Variants in PCDHGB1 observed in about 807,000 individuals in gnomAD.
PCDHGB1 encodes the protein protocadherin gamma subfamily B, 1.
Under a neutral mutation model 56.6 loss-of-function variants are expected in PCDHGB1, and 34 were observed. The observed-to-expected ratio is 0.60, with a 90% CI of 0.46 to 0.80. PCDHGB1 has a LOEUF of 0.80. Ranked by LOEUF, PCDHGB1 falls within the 30% of genes least tolerant of loss-of-function variation. The probability of loss-of-function intolerance (pLI) is 0.00; values close to 1 mark genes in which losing one functional copy is unlikely to be tolerated. For missense variants in PCDHGB1, 1,278 were observed against 1,204.6 expected (o/e 1.06, Z -0.90); for synonymous variants, 561 against 505.9 (o/e 1.11, Z -1.46).
chr5:141,414,427 C>G lies in PCDHGB1; in HGVS notation c.2409+61758C>G, dbSNP rs766147938. The G allele has an allele frequency of 6.2e-6, 10 of 1,613,684 alleles. No individual in the cohort carries two copies. The highest frequency in any genetic ancestry group is 1.6e-4 in the Middle Eastern group (1 of 6,084). On this transcript the variant is annotated intron_variant, in intron 1 of 3. Coordinates refer to ENST00000523390, the MANE Select transcript of PCDHGB1 (RefSeq NM_018922.3). ...GATACACAGAGCCCTTGACAGGGAA[C>G]AGGTATCCTCTTACAATATCACAGT... is the stretch of plus-strand genomic sequence containing the variant.
chr5:141,379,834 G>GA (rs199662644), intron 1 of PCDHGB1, among the ~76,000 whole-genome samples: 3,037 of 141,342 alleles, frequency 0.021, 48 homozygotes, highest in South Asian at 0.041. Flanking sequence ...GAAGCATCAG[G>GA]AAAAAAAACT....
intron 1 of PCDHGB1, among the ~76,000 whole-genome samples, chr5:141,488,553 T>C (rs2099676887): frequency 6.6e-6 from 1 of 152,166 alleles, no homozygotes; most frequent in South Asian, 2.1e-4. Flanking sequence ...TCAGCTGACA[T>C]TGAGATTTCC....
intron 1 of PCDHGB1, chr5:141,418,453 G>T (rs2096259626): frequency 1.2e-6 from 2 of 1,614,060 alleles, no homozygotes; most frequent in East Asian, 4.5e-5. Flanking sequence ...TATTGCAGAA[G>T]ACTCTGGACC....
At chr5:141,359,151 T>G (rs1761131965) in intron 1 of PCDHGB1, among the ~76,000 whole-genome samples, 1 of 152,200 alleles carries the variant, frequency 6.6e-6, no homozygotes, top group East Asian at 1.9e-4. Flanking sequence ...GAATATGATA[T>G]GATGCAGTTA....
intron 1 of PCDHGB1, chr5:141,365,998 C>G: frequency 6.2e-7 from 1 of 1,614,234 alleles, no homozygotes. Context: ...TGGACCAGAA[C>G]GACAATACGC....
chr5:141,413,721 C>T (rs779673406), intron 1 of PCDHGB1: 1 of 1,613,592 alleles, frequency 6.2e-7, no homozygotes, highest in South Asian at 1.1e-5. Context: ...ATAAGCACTT[C>T]TCCCTAAGAG....
chr5:141,378,863 G>C (rs934816631), intron 1 of PCDHGB1: 1 of 152,136 alleles, frequency 6.6e-6, no homozygotes, highest in Non-Finnish European at 1.5e-5. Context: ...AATGATGTTC[G>C]AATAGAAAAT....
chr5:141,423,904 G>A, intron 1 of PCDHGB1: 2 of 1,275,052 alleles, frequency 1.6e-6, no homozygotes, highest in Middle Eastern at 3.1e-4. Flanking sequence ...TGATTTCAAA[G>A]GGGCCATTCA....
chr5:141,420,229 C>A (rs1206296211), intron 1 of PCDHGB1: 1 of 1,600,344 alleles, frequency 6.2e-7, no homozygotes, highest in South Asian at 1.1e-5. Flanking sequence ...TACTGGCTAG[C>A]ATTTTAACTC....
Position 141,476,380 on chromosome 5 carries a change from G to C in PCDHGB1, c.2410-18427G>C. 1 of 1,614,154 alleles carries C rather than the reference G, an allele frequency of 6.2e-7. No homozygotes were observed. The highest frequency in any genetic ancestry group is 8.5e-7 in the Non-Finnish European group (1 of 1,180,042). On this transcript the variant is annotated intron_variant, in intron 1 of 3. Coordinates refer to ENST00000523390, the MANE Select transcript of PCDHGB1 (RefSeq NM_018922.3). The surrounding 1 kb of genome is among the most constrained non-coding windows in gnomAD (Gnocchi z 7.6). ...ACCGGGAGACCGGAGAGATGTTTGT[G>C]AACGACCGTCTGGATCGAGAGGAGC... is the stretch of plus-strand genomic sequence containing the variant.
intron 1 of PCDHGB1, among the ~76,000 whole-genome samples, chr5:141,460,976 T>C (rs1444476508): frequency 7.6e-6 from 1 of 131,636 alleles, no homozygotes; most frequent in Non-Finnish European, 1.6e-5. Flanking sequence ...TGTGTGTGTG[T>C]GTGTGTGTAT....
chr5:141,456,140 G>A (rs1032104368), intron 1 of PCDHGB1, among the ~76,000 whole-genome samples: 38 of 152,022 alleles, frequency 2.5e-4, no homozygotes, highest in African/African-American at 8.7e-4. Flanking sequence ...CTCCTGATCC[G>A]CCCGCCTCGG....
intron 1 of PCDHGB1, chr5:141,478,531 C>A (rs771145308): frequency 8.1e-6 from 13 of 1,608,072 alleles, no homozygotes; most frequent in Admixed American, 5.1e-5. Context: ...GTGCAGAGAG[C>A]GCCCCTCCCG....
Position 141,400,542 on chromosome 5 carries a change from C to G in PCDHGB1, c.2409+47873C>G, listed in dbSNP as rs373097307. On this transcript the variant is annotated intron_variant, in intron 1 of 3. Transcript: ENST00000523390. ...CTGAGTTGGTGAGTTTCATTTATGT[C>G]TATTCTTTTTCATTACCCACCCAAT... 5.6e-6 allele frequency: 9 copies of G among 1,613,628 alleles called. No individual in the cohort carries two copies. In the African/African-American group the frequency reaches 8.0e-5, roughly 14 times the overall value.
chr5:141,432,575 T>TACC lies in PCDHGB1; in HGVS notation c.2410-62231_2410-62229dup, dbSNP rs1044250629. 6.2e-7 allele frequency: 1 copy of TACC among 1,613,326 alleles called. No individual in the cohort carries two copies. The highest frequency in any genetic ancestry group is 1.3e-5 in the African/African-American group (1 of 74,718). ...CTCCGGCCAGAACGCCTGGCTGTCC[T>TACC]ACCGTCTGCTCAAGGCCAGCGAGCC... On this transcript the variant is annotated intron_variant, in intron 1 of 3. Transcript: ENST00000523390. This position sits in a 1 kb window ranked among gnomAD's most constrained non-coding sequence, Gnocchi z 6.0.
chr5:141,403,532 C>A (rs1313886103), intron 1 of PCDHGB1: 1 of 1,613,892 alleles, frequency 6.2e-7, no homozygotes, highest in Non-Finnish European at 8.5e-7. Context: ...AAACCCAGAG[C>A]TGGTGCTGGA....
Position 141,475,971 on chromosome 5 carries a change from C to G in PCDHGB1, c.2410-18836C>G, listed in dbSNP as rs750016455. On this transcript the variant is annotated intron_variant, in intron 1 of 3. Coordinates refer to ENST00000523390, the MANE Select transcript of PCDHGB1 (RefSeq NM_018922.3). The stretch of plus-strand genomic sequence containing the variant: ...TCTGCGCCCCGGGATGAGGCAGAGA[C>G]TGAACAGCCGGCGAGCAAATCAACG... 2.5e-5 allele frequency: 24 copies of G among 954,292 alleles called. No individual in the cohort carries two copies. In the African/African-American group the frequency reaches 3.4e-4, roughly 14 times the overall value. 59.1% of individuals were successfully genotyped at this position (954,292 alleles called of 1,614,324 possible). A position where few individuals can be genotyped will look rare whatever the true frequency, so the allele number is the denominator to read the frequency against.
chr5:141,446,482 CT>C (rs112180482), intron 1 of PCDHGB1, among the ~76,000 whole-genome samples: 30,290 of 146,632 alleles, frequency 0.21, 3,322 homozygotes, highest in African/African-American at 0.31. Flanking sequence ...GGTCATCATT[CT>C]TTTTTTTTTT....
chr5:141,487,067 G>C lies in PCDHGB1; in HGVS notation c.2410-7740G>C, dbSNP rs765539804. 3 of 1,614,048 alleles carry C rather than the reference G, an allele frequency of 1.9e-6. No individual in the cohort carries two copies. The highest frequency in any genetic ancestry group is 3.3e-5 in the Admixed American group (2 of 60,010). ...ATATGCTGGGGAGGTGCGGACGGCT[G>C]TTCCTATCCCAGCTGACCTCCCACC... On this transcript the variant is annotated intron_variant, in intron 1 of 3. Coordinates refer to ENST00000523390, the MANE Select transcript of PCDHGB1 (RefSeq NM_018922.3). The surrounding 1 kb of genome is among the most constrained non-coding windows in gnomAD (Gnocchi z 5.0).
Sources: gnomAD v4.1 joint callset for allele counts (sites outside exome capture counted in the v4.1 genomes callset) on GRCh38, gnomAD v4.1.1 for gene constraint, Gnocchi (gnomAD v3.1) non-coding constraint, MANE v1.5 for transcripts, NCBI Gene and HGNC (gene_info 2026-07-23, HGNC 2026-07-21) for gene names.